Variants in MACROD2 observed in about 807,000 individuals in gnomAD.
MACROD2 encodes mono-ADP ribosylhydrolase 2.
Under a neutral mutation model 70.4 loss-of-function variants are expected in MACROD2, and 36 were observed. The observed-to-expected ratio is 0.51, with a 90% CI of 0.39 to 0.68. The LOEUF is 0.68. MACROD2 is among the 30% of genes least tolerant of loss of function. The probability of loss-of-function intolerance (pLI) is 0.00; values close to 1 mark genes in which losing one functional copy is unlikely to be tolerated. For missense variants in MACROD2, 496 were observed against 538.4 expected (o/e 0.92, Z 0.78); for synonymous variants, 172 against 178.8 (o/e 0.96, Z 0.30).
intron 8 of MACROD2, among the ~76,000 whole-genome samples, chr20:15,709,009 C>A (rs1023821672): frequency 2.6e-5 from 4 of 152,012 alleles, no homozygotes; most frequent in Non-Finnish European, 5.9e-5. Context: ...CAGAGTGACA[C>A]CCTATCTCTA....
chr20:15,524,909 C>T (rs1305818570), intron 8 of MACROD2, among the ~76,000 whole-genome samples: 1 of 152,206 alleles, frequency 6.6e-6, no homozygotes, highest in East Asian at 1.9e-4. Context: ...TCTATTGTCA[C>T]TGAGGTTCTA....
chr20:15,295,599 A>T (rs1329062258), intron 6 of MACROD2, among the ~76,000 whole-genome samples: 2 of 51,390 alleles, frequency 3.9e-5, no homozygotes, highest in Non-Finnish European at 6.5e-5. Flanking sequence ...CTGTCATCAC[A>T]CACACACACA....
At chr20:15,838,243 A>G (rs2064135097) in intron 8 of MACROD2, among the ~76,000 whole-genome samples, 1 of 152,140 alleles carries the variant, frequency 6.6e-6, no homozygotes, top group African/African-American at 2.4e-5. Context: ...AGTAAACAAT[A>G]AACTCAGAAG....
chr20:15,026,603 A>G (rs1208269188), intron 5 of MACROD2, among the ~76,000 whole-genome samples: 2 of 152,040 alleles, frequency 1.3e-5, no homozygotes, highest in African/African-American at 2.4e-5. Flanking sequence ...CTCTTAATCA[A>G]TGGATCAATT....
rs2071431953 is a variant in MACROD2 at position 14,719,076 on chromosome 20, AC to A, written c.418+34118del. ...GTGAAACCCCATCTCTACTAAAAAT[AC>A]AAAGATTAGATGGGCATGGTGGTGT... is the stretch of plus-strand genomic sequence containing the variant. On this transcript the variant is annotated intron_variant, in intron 5 of 17. Coordinates refer to ENST00000684519, the MANE Select transcript of MACROD2 (RefSeq NM_001351661.2). Among the ~76,000 whole-genome samples, 2 of 152,116 alleles carry A rather than the reference AC, an allele frequency of 1.3e-5. 1 individual carries two copies. The highest frequency in any genetic ancestry group is 2.9e-5 in the Non-Finnish European group (2 of 68,010).
At chr20:15,381,774 AGTTTGT>A (rs1490554401) in intron 6 of MACROD2, among the ~76,000 whole-genome samples, 1 of 152,124 alleles carries the variant, frequency 6.6e-6, no homozygotes, top group Non-Finnish European at 1.5e-5. Context: ...GTTGGGGCAA[AGTTTGT>A]GTTAGTGTTT....
intron 10 of MACROD2, chr20:15,894,123 C>T (rs544986721): frequency 6.9e-5 from 25 of 363,928 alleles, no homozygotes; most frequent in South Asian, 5.2e-4. Context: ...CAGCTTACTT[C>T]TCTCCTAGCA....
At chr20:14,238,180 A>G (rs2081894841) in intron 3 of MACROD2, among the ~76,000 whole-genome samples, 1 of 152,168 alleles carries the variant, frequency 6.6e-6, no homozygotes, top group Non-Finnish European at 1.5e-5. Context: ...AAGTATTCCT[A>G]TTTCAAAAGC....
intron 6 of MACROD2, among the ~76,000 whole-genome samples, chr20:15,387,762 C>T (rs62203487): frequency 0.17 from 23,547 of 139,630 alleles, 2,184 homozygotes; most frequent in African/African-American, 0.26. Context: ...TTTTTTGAGA[C>T]AGGTCTCACT....
chr20:14,454,341 T>C (rs1568618897), intron 3 of MACROD2, among the ~76,000 whole-genome samples: 1 of 151,988 alleles, frequency 6.6e-6, no homozygotes, highest in Non-Finnish European at 1.5e-5. Flanking sequence ...TGTATATATT[T>C]TTCTAGTTCT....
rs559268798 is a variant in MACROD2 at position 15,584,786 on chromosome 20, G to A, written c.645+84939G>A. 1.3e-3 allele frequency among the ~76,000 whole-genome samples: 200 copies of A among 152,290 alleles called. 1 individual carries two copies. In the South Asian group the frequency reaches 0.023, roughly 17 times the overall value. On this transcript the variant is annotated intron_variant, in intron 8 of 17. Coordinates refer to ENST00000684519, the MANE Select transcript of MACROD2 (RefSeq NM_001351661.2). Reference sequence around the variant, plus strand: ...TCCAGGAGCATGGGGCTGGCTGCTTGTAAAATCATGACGTTATTGTCTTCT... The same window carrying A: ...TCCAGGAGCATGGGGCTGGCTGCTTATAAAATCATGACGTTATTGTCTTCT...
At chr20:14,187,651 T>C (rs1431014004) in intron 3 of MACROD2, among the ~76,000 whole-genome samples, 2 of 152,196 alleles carry the variant, frequency 1.3e-5, no homozygotes, top group Non-Finnish European at 2.9e-5. Flanking sequence ...TAAAGCAGCT[T>C]ACTTTTATAT....
chr20:14,050,355 A>C (rs1353663850), intron 2 of MACROD2, among the ~76,000 whole-genome samples: 2 of 152,138 alleles, frequency 1.3e-5, no homozygotes, highest in African/African-American at 4.8e-5. Context: ...CCCAAAAGTA[A>C]AGCCTTCCTT....
intron 5 of MACROD2, among the ~76,000 whole-genome samples, chr20:15,031,968 G>A (rs556825067): frequency 3.9e-4 from 59 of 152,268 alleles, no homozygotes; most frequent in African/African-American, 1.4e-3. Context: ...CGAGCTGACC[G>A]CCCCCGCTGG....
intron 5 of MACROD2, among the ~76,000 whole-genome samples, chr20:14,918,624 T>TTTTTTTTTTTTTGTG: frequency 6.6e-6 from 1 of 151,594 alleles, no homozygotes; most frequent in East Asian, 1.9e-4. Flanking sequence ...TTTGTTTTTT[T>TTTTTTTTTTTTTGTG]TTTTTTTTCT....
intron 9 of MACROD2, among the ~76,000 whole-genome samples, chr20:15,875,145 T>C (rs1374246714): frequency 1.3e-5 from 2 of 152,174 alleles, no homozygotes; most frequent in Non-Finnish European, 2.9e-5. Flanking sequence ...ATGTTGATTT[T>C]AGTCTAGTTC....
chr20:14,632,049 T>C (rs1984542273), intron 4 of MACROD2: 1 of 152,090 alleles, frequency 6.6e-6, no homozygotes, highest in East Asian at 1.9e-4. Flanking sequence ...TTCCCTGAGA[T>C]TCAGAAGTCT....
At chr20:14,169,301 C>CT (rs199854457) in intron 3 of MACROD2, among the ~76,000 whole-genome samples, 1,747 of 151,350 alleles carry the variant, frequency 0.012, 33 homozygotes, top group African/African-American at 0.04. Context: ...ATCAATTATA[C>CT]TTTTTTTTGG....
chr20:15,018,389 T>C (rs2075137965), intron 5 of MACROD2, among the ~76,000 whole-genome samples: 1 of 152,158 alleles, frequency 6.6e-6, no homozygotes, highest in Non-Finnish European at 1.5e-5. Context: ...GCTCTCAGCA[T>C]TTTGGGCAAA....
Sources: gnomAD v4.1 joint callset for allele counts (sites outside exome capture counted in the v4.1 genomes callset) on GRCh38, gnomAD v4.1.1 for gene constraint, MANE v1.5 for transcripts, NCBI Gene and HGNC (gene_info 2026-07-23, HGNC 2026-07-21) for gene names.